Variants in DZIP3 observed in about 807,000 individuals in gnomAD.
DZIP3 encodes the protein E3 ubiquitin-protein ligase DZIP3.
In DZIP3, 118 loss-of-function variants were observed where a neutral mutation model predicts 162.0. The observed-to-expected ratio is 0.73, with a 90% CI of 0.63 to 0.85. DZIP3 has a LOEUF of 0.85. DZIP3 is among the 40% of genes least tolerant of loss of function. The probability of loss-of-function intolerance (pLI) is 0.00; values close to 1 mark genes in which losing one functional copy is unlikely to be tolerated. For missense variants in DZIP3, 1,331 were observed against 1,407.0 expected (o/e 0.95, Z 0.86); for synonymous variants, 438 against 458.6 (o/e 0.96, Z 0.57).
intron 21 of DZIP3, among the ~76,000 whole-genome samples, chr3:108,668,499 T>C (rs933450466): frequency 2.0e-5 from 3 of 152,020 alleles, no homozygotes; most frequent in African/African-American, 4.8e-5. Context: ...TCTACTCTTA[T>C]TGCCCACTCT....
intron 16 of DZIP3, 87 bp from the exon 17 acceptor site, chr3:108,648,831 C>T: frequency 1.6e-6 from 1 of 634,560 alleles, no homozygotes; most frequent in South Asian, 2.1e-5. Flanking sequence ...AACAAAAGAT[C>T]TCAGTGGTGA....
chr3:108,654,879 A>G (rs1943038203), intron 19 of DZIP3, among the ~76,000 whole-genome samples: 1 of 152,172 alleles, frequency 6.6e-6, no homozygotes, highest in Admixed American at 6.5e-5. Context: ...TTTTTTACCT[A>G]CTAATGAGAA....
At chr3:108,650,554 G>A (rs1161546971) in intron 17 of DZIP3, among the ~76,000 whole-genome samples, 3 of 151,614 alleles carry the variant, frequency 2.0e-5, no homozygotes, top group Non-Finnish European at 4.4e-5. Context: ...CCTTTATTTG[G>A]TATGTTGCCT....
chr3:108,610,701 T>C (rs777598218), intron 3 of DZIP3, among the ~76,000 whole-genome samples: 15 of 152,232 alleles, frequency 9.9e-5, no homozygotes, highest in Non-Finnish European at 2.2e-4. Flanking sequence ...TCACAACTAA[T>C]GTTAGTAGAT....
chr3:108,680,446 A>G (rs1375313195), intron 26 of DZIP3, among the ~76,000 whole-genome samples: 1 of 152,166 alleles, frequency 6.6e-6, no homozygotes, highest in Non-Finnish European at 1.5e-5. Context: ...GTAAAGATTC[A>G]GGATTCAAAA....
chr3:108,659,021 G>A (rs1246217097), intron 19 of DZIP3, among the ~76,000 whole-genome samples: 1 of 152,020 alleles, frequency 6.6e-6, no homozygotes, highest in Non-Finnish European at 1.5e-5. Flanking sequence ...CCAAAAAAAA[G>A]TCCAGGACCA....
At chr3:108,602,424 A>G (rs1940071406) in intron 1 of DZIP3, among the ~76,000 whole-genome samples, 1 of 152,186 alleles carries the variant, frequency 6.6e-6, no homozygotes, top group Non-Finnish European at 1.5e-5. Flanking sequence ...CAGCCTACAG[A>G]TAAGATCATC....
intron 8 of DZIP3, among the ~76,000 whole-genome samples, chr3:108,631,055 A>ACACACTCTCTCTCTCTCTCT: frequency 1.9e-3 from 35 of 18,004 alleles, no homozygotes; most frequent in African/African-American, 3.4e-3. Flanking sequence ...ACACACACAC[A>ACACACTCTCTCTCTCTCTCT]CTCTCTCTCT....
intron 19 of DZIP3, among the ~76,000 whole-genome samples, chr3:108,659,023 C>G (rs1358526210): frequency 6.6e-6 from 1 of 152,192 alleles, no homozygotes; most frequent in East Asian, 1.9e-4. Flanking sequence ...AAAAAAAAGT[C>G]CAGGACCAGA....
rs149284225 is a variant in DZIP3 at position 108,636,820 on chromosome 3, C to T, written c.1011+112C>T. 2,807 of 717,232 alleles carry T rather than the reference C, an allele frequency of 3.9e-3. 70 individuals are homozygous for T. In the African/African-American group the frequency reaches 0.048, roughly 12 times the overall value. The allele number at this position is 717,232 out of a possible 1,614,324, so 44.4% of individuals were successfully genotyped here. A position where few individuals can be genotyped will look rare whatever the true frequency, so the allele number is the denominator to read the frequency against. On this transcript the variant is annotated intron_variant, in intron 11 of 32. Transcript: ENST00000361582. ...TCATAATTAGATTCCAGCCATATTG[C>T]CTTTAATGGTGACTGAGCTCTTGAA...
intron 1 of DZIP3, among the ~76,000 whole-genome samples, chr3:108,602,676 A>G (rs1940092564): frequency 6.6e-6 from 1 of 152,136 alleles, no homozygotes; most frequent in Non-Finnish European, 1.5e-5. Flanking sequence ...TTCCTCTTCT[A>G]GAATGGTAAA....
chr3:108,637,105 C>T (rs1342341230), intron 11 of DZIP3, among the ~76,000 whole-genome samples: 1 of 151,842 alleles, frequency 6.6e-6, no homozygotes, highest in Non-Finnish European at 1.5e-5. Flanking sequence ...ACATATAGTA[C>T]CTGTTACATA....
chr3:108,633,278 T>C (rs1276714888), intron 9 of DZIP3, among the ~76,000 whole-genome samples: 1 of 151,850 alleles, frequency 6.6e-6, no homozygotes, highest in Non-Finnish European at 1.5e-5. Flanking sequence ...TGTGAGTCAA[T>C]AAAAGAATAA....
Position 108,631,055 on chromosome 3 carries a change from A to ACACACACATACACTCTCT in DZIP3, c.696+1880_696+1881insACACACATACACTCTCTC. On this transcript the variant is annotated intron_variant, in intron 8 of 32. Coordinates refer to ENST00000361582, the MANE Select transcript of DZIP3 (RefSeq NM_014648.4). The stretch of plus-strand genomic sequence containing the variant: ...CACACACACACACACACACACACAC[A>ACACACACATACACTCTCT]CTCTCTCTCTCTCTCTCTCTCTCTC... 7.8e-4 allele frequency among the ~76,000 whole-genome samples: 14 copies of ACACACACATACACTCTCT among 18,008 alleles called. 2 individuals are homozygous for ACACACACATACACTCTCT. The highest frequency in any genetic ancestry group is 2.3e-3 in the South Asian group (1 of 430). The allele number at this position is 18,008 out of a possible 152,430, so 11.8% of individuals were successfully genotyped here.
intron 22 of DZIP3, 108 bp from the exon 23 acceptor site, chr3:108,672,452 G>T (rs1943956826): frequency 2.2e-6 from 2 of 917,744 alleles, no homozygotes; most frequent in African/African-American, 1.7e-5. Context: ...ACTTTTCCAA[G>T]AAATAATTTC....
intron 21 of DZIP3, among the ~76,000 whole-genome samples, chr3:108,666,733 C>T (rs779632686): frequency 7.2e-5 from 11 of 151,982 alleles, no homozygotes; most frequent in Non-Finnish European, 1.3e-4. Flanking sequence ...ACATCAGTAA[C>T]GGAGAGATAC....
Position 108,693,829 on chromosome 3 carries a change from T to A in DZIP3, c.*476T>A, listed in dbSNP as rs1944786801. On this transcript the variant is annotated 3_prime_UTR_variant, in exon 33 of 33. Coordinates refer to ENST00000361582, the MANE Select transcript of DZIP3 (RefSeq NM_014648.4). ...TTTAAAAGTCTGTAATTTCAGTTTT[T>A]GTGTCGGGGAGAGGGAAAAACTATT... is the stretch of plus-strand genomic sequence containing the variant. 6.6e-6 allele frequency: 1 copy of A among 152,204 alleles called. No individual in the cohort carries two copies. The highest frequency in any genetic ancestry group is 1.5e-5 in the Non-Finnish European group (1 of 68,030). The allele number at this position is 152,204 out of a possible 1,614,324, so 9.4% of individuals were successfully genotyped here.
chr3:108,649,531 A>G (rs1351138114), intron 17 of DZIP3, among the ~76,000 whole-genome samples: 2 of 151,788 alleles, frequency 1.3e-5, no homozygotes, highest in African/African-American at 2.4e-5. Flanking sequence ...GGAAAGCCAC[A>G]TGTCTTTTTT....
chr3:108,647,795 A>G, intron 15 of DZIP3, 148 bp from the exon 16 acceptor site: 1 of 635,878 alleles, frequency 1.6e-6, no homozygotes, highest in Non-Finnish European at 2.6e-6. Context: ...ATAAATGAAC[A>G]TCACATTTTC....
Sources: gnomAD v4.1 joint callset for allele counts (sites outside exome capture counted in the v4.1 genomes callset) on GRCh38, gnomAD v4.1.1 for gene constraint, MANE v1.5 for transcripts, NCBI Gene and HGNC (gene_info 2026-07-23, HGNC 2026-07-21) for gene names.